The following PAK3 variants were observed in gnomAD, a reference collection of about 807,000 sequenced individuals.
PAK3 encodes p21 (RAC1) activated kinase 3.
A neutral mutation model predicts 41.0 loss-of-function variants in PAK3; 4 were observed. The ratio of observed to expected loss-of-function variants is 0.10; its 90% CI spans 0.05 to 0.22. The LOEUF (loss-of-function observed/expected upper bound fraction) is 0.22. Ranked by LOEUF, PAK3 falls within the 10% of genes least tolerant of loss-of-function variation. PAK3 has a pLI of 1.00. For missense variants in PAK3, 205 were observed against 409.9 expected (o/e 0.50, Z 4.32); for synonymous variants, 146 against 139.6 (o/e 1.05, Z -0.32).
In PAK3 at chrX:111,226,458, CTT is replaced by C. The variant is rs1160177877; in HGVS notation, c.*6013_*6014del. ...TCCTTTCCTGTGAAGTAGTGCTGGG[CTT>C]TCTAGAGTTTAATTCTCAAGTGGCA... On this transcript the variant is annotated 3_prime_UTR_variant, in exon 18 of 18. Transcript: ENST00000372007. The C allele has an allele frequency of 1.8e-5, 2 of 111,887 alleles. No individual in the cohort carries two copies. The highest frequency in any genetic ancestry group is 6.5e-5 in the African/African-American group (2 of 30,784). The allele number at this position is 111,887 out of a possible 1,213,427, so 9.2% of individuals were successfully genotyped here. A position where few individuals can be genotyped will look rare whatever the true frequency, so the allele number is the denominator to read the frequency against.
intron 4 of PAK3, among the ~76,000 whole-genome samples, chrX:111,116,611 C>T (rs1223442547): frequency 8.9e-6 from 1 of 112,124 alleles, no homozygotes; most frequent in Non-Finnish European, 1.9e-5. Flanking sequence ...TTCCTATTTG[C>T]AACCTGACGT....
chrX:111,042,586 T>C (rs1417199188), intron 1 of PAK3, among the ~76,000 whole-genome samples: 1 of 111,866 alleles, frequency 8.9e-6, no homozygotes, highest in Non-Finnish European at 1.9e-5. Flanking sequence ...TCCAAGTTCC[T>C]GGCACAAGAG....
intron 1 of PAK3, among the ~76,000 whole-genome samples, chrX:110,960,502 G>A (rs537142858): frequency 9.0e-6 from 1 of 111,707 alleles, no homozygotes; most frequent in Non-Finnish European, 1.9e-5. Flanking sequence ...GTACCTGGCT[G>A]TGAGGAGGCA....
intron 1 of PAK3, among the ~76,000 whole-genome samples, chrX:110,975,211 C>T (rs1464316984): frequency 4.5e-5 from 5 of 111,948 alleles, no homozygotes; most frequent in Non-Finnish European, 9.4e-5. Context: ...TAGAAAACTC[C>T]ATCATCTCAG....
chrX:111,004,826 T>C (rs371026335), intron 1 of PAK3, among the ~76,000 whole-genome samples: 34 of 112,136 alleles, frequency 3.0e-4, no homozygotes, highest in African/African-American at 1.1e-3. Context: ...ATAACTAGAG[T>C]ATTCTTTAGT....
chrX:111,062,156 A>G (rs747393492), intron 1 of PAK3, among the ~76,000 whole-genome samples: 1 of 111,158 alleles, frequency 9.0e-6, no homozygotes, highest in Non-Finnish European at 1.9e-5. Flanking sequence ...AGCTCTAAAT[A>G]ATTTGTCACT....
chrX:111,212,586 G>A (rs1013967631), intron 16 of PAK3, among the ~76,000 whole-genome samples: 2 of 111,719 alleles, frequency 1.8e-5, no homozygotes, highest in African/African-American at 6.5e-5. Context: ...TTTTTGCAAT[G>A]GAAATTAGTT....
chrX:110,972,029 T>C lies in PAK3; in HGVS notation c.-28+27401T>C, dbSNP rs568690479. ...TAGACTCTCAATTCTATTCCATTGTTCTACGTATGTATGTAGGTATGTATG... is the reference window on the plus strand; with the variant it reads ...TAGACTCTCAATTCTATTCCATTGTCCTACGTATGTATGTAGGTATGTATG... On this transcript the variant is annotated intron_variant, in intron 1 of 14. Coordinates refer to the PAK3 transcript ENST00000425146. 1.0e-3 allele frequency among the ~76,000 whole-genome samples: 117 copies of C among 111,466 alleles called. 1 individual carries two copies. The South Asian group carries it at 0.041, about 39-fold the overall frequency.
intron 1 of PAK3, among the ~76,000 whole-genome samples, chrX:110,993,861 G>A (rs1168136789): frequency 2.7e-5 from 3 of 111,327 alleles, no homozygotes; most frequent in South Asian, 3.8e-4. Flanking sequence ...TCTGTGCACC[G>A]ACACTGTACT....
In PAK3 at chrX:111,107,664, G is replaced by A. The variant is rs758647570; in HGVS notation, c.-28+4358G>A. On this transcript the variant is annotated intron_variant, in intron 4 of 17. Transcript: ENST00000372007. ...CAGAATATACCCAAGCTGCCATTTG[G>A]TATGGGTTCTAGCATGCCTTAGGGA... 3.6e-5 allele frequency among the ~76,000 whole-genome samples: 4 copies of A among 112,005 alleles called. No homozygotes were observed. In the South Asian group the frequency reaches 1.5e-3, roughly 42 times the overall value.
chrX:110,954,284 T>C (rs2090806292), intron 1 of PAK3, among the ~76,000 whole-genome samples: 2 of 112,461 alleles, frequency 1.8e-5, no homozygotes, highest in African/African-American at 6.5e-5. Flanking sequence ...TTTTTATATA[T>C]AGCTCCCATT....
intron 1 of PAK3, among the ~76,000 whole-genome samples, chrX:110,981,170 G>A (rs751698121): frequency 9.0e-6 from 1 of 111,181 alleles, no homozygotes; most frequent in Non-Finnish European, 1.9e-5. Context: ...GTGAGGTGAG[G>A]TACAGCAAAA....
chrX:110,952,222 AG>A (rs1266414920), intron 1 of PAK3, among the ~76,000 whole-genome samples: 1 of 111,840 alleles, frequency 8.9e-6, no homozygotes, highest in Non-Finnish European at 1.9e-5. Flanking sequence ...TTTAGGCCAA[AG>A]GTAGGGTCTG....
At chrX:110,963,449 C>T (rs750584057) in intron 1 of PAK3, among the ~76,000 whole-genome samples, 3 of 111,776 alleles carry the variant, frequency 2.7e-5, no homozygotes, top group Non-Finnish European at 5.6e-5. Context: ...CACACTCTTA[C>T]CTATAAAAAG....
intron 1 of PAK3, among the ~76,000 whole-genome samples, chrX:111,032,792 T>A (rs1184275299): frequency 9.0e-6 from 1 of 110,573 alleles, no homozygotes; most frequent in East Asian, 2.9e-4. Flanking sequence ...TTGGGTCAGC[T>A]CACGGGTAAC....
At chrX:110,976,993 G>T (rs976950712) in intron 1 of PAK3, among the ~76,000 whole-genome samples, 2 of 110,227 alleles carry the variant, frequency 1.8e-5, no homozygotes, top group Non-Finnish European at 3.8e-5. Flanking sequence ...AGCATTAGGA[G>T]AAATATCTAA....
Position 111,173,088 on chromosome X carries a change from G to T in PAK3, c.830+7G>T, listed in dbSNP as rs745919638. The T allele has an allele frequency of 1.1e-6, 1 of 923,551 alleles. No individual in the cohort carries two copies. The highest frequency in any genetic ancestry group is 1.6e-6 in the Non-Finnish European group (1 of 634,980). 76.1% of individuals were successfully genotyped at this position (923,551 alleles called of 1,213,427 possible). A position where few individuals can be genotyped will look rare whatever the true frequency, so the allele number is the denominator to read the frequency against. ...TTGAAAAAATTGGTCAAGGGTAAGT[G>T]ATTGTTATTTGAAATATAAAAAGAT... On this transcript the variant is annotated splice_region_variant and intron_variant, in intron 11 of 17. Transcript: ENST00000372007.
chrX:111,077,242 T>A (rs2092793511), intron 1 of PAK3, among the ~76,000 whole-genome samples: 1 of 111,265 alleles, frequency 9.0e-6, no homozygotes, highest in East Asian at 2.8e-4. Flanking sequence ...CCCAAAGCAA[T>A]CCACAGATTC....
chrX:111,012,649 C>T (rs1257671618), intron 1 of PAK3, among the ~76,000 whole-genome samples: 2 of 112,480 alleles, frequency 1.8e-5, no homozygotes, highest in Non-Finnish European at 3.8e-5. Context: ...CATCAATCTG[C>T]TTTACTAAAG....
Sources: allele counts gnomAD v4.1 joint callset (sites outside exome capture counted in the v4.1 genomes callset), GRCh38; gene constraint gnomAD v4.1.1; transcripts MANE v1.5; gene names NCBI Gene and HGNC (gene_info 2026-07-23, HGNC 2026-07-21).